TUBGCP3: variants seen among roughly 807,000 people sequenced by gnomAD.
The protein encoded by TUBGCP3 is tubulin gamma complex component 3.
Under a neutral mutation model 123.1 loss-of-function variants are expected in TUBGCP3, and 50 were observed. The ratio of observed to expected loss-of-function variants is 0.41; its 90% CI spans 0.32 to 0.51. TUBGCP3 has a LOEUF of 0.51. TUBGCP3 is among the 20% of genes least tolerant of loss of function. The pLI is 0.36. For synonymous variants in TUBGCP3, 405 were observed against 413.9 expected (o/e 0.98, Z 0.26); for missense variants, 882 against 1,127.0 (o/e 0.78, Z 3.11).
chr13:112,519,547 A>G lies in TUBGCP3; in HGVS notation c.1881+339T>C, dbSNP rs1477934504. Among the ~76,000 whole-genome samples, 1 of 152,146 alleles carries G rather than the reference A, an allele frequency of 6.6e-6. No homozygotes were observed. The highest frequency in any genetic ancestry group is 1.5e-5 in the Non-Finnish European group (1 of 68,024). On this transcript the variant is annotated intron_variant, in intron 15 of 21. Coordinates refer to ENST00000261965, the MANE Select transcript of TUBGCP3 (RefSeq NM_006322.6). This position sits in a 1 kb window ranked among gnomAD's most constrained non-coding sequence, Gnocchi z 6.2. ...ACACCATGTCTTGTGCTCCTGTTGGATTTACTATGAGAAGAAAGCACCATT... is the reference window on the plus strand; with the variant it reads ...ACACCATGTCTTGTGCTCCTGTTGGGTTTACTATGAGAAGAAAGCACCATT...
chr13:112,584,874 G>C (rs1000206504), intron 1 of TUBGCP3, among the ~76,000 whole-genome samples: 4 of 152,308 alleles, frequency 2.6e-5, no homozygotes, highest in African/African-American at 9.6e-5. Context: ...TCCCAGGAGG[G>C]GCAGGGATAT....
intron 17 of TUBGCP3, among the ~76,000 whole-genome samples, chr13:112,515,377 T>C (rs1408509985): frequency 1.3e-5 from 2 of 152,156 alleles, no homozygotes; most frequent in Admixed American, 1.3e-4. Flanking sequence ...CCGATCTACC[T>C]GGTGGTATTC....
At chr13:112,601,816 C>A in the TUBGCP3 span, among the ~76,000 whole-genome samples, 1 of 152,188 alleles carries the variant, frequency 6.6e-6, no homozygotes, top group African/African-American at 2.4e-5. Context: ...TATTAAGCTT[C>A]TGGAAGCCAG....
chr13:112,553,462 AG>A (rs1266845059), intron 8 of TUBGCP3, among the ~76,000 whole-genome samples: 1 of 152,260 alleles, frequency 6.6e-6, no homozygotes, highest in Admixed American at 6.5e-5. Flanking sequence ...GCCACAAAGA[AG>A]GGCTGGACAG....
intron 3 of TUBGCP3, among the ~76,000 whole-genome samples, chr13:112,564,878 T>C (rs1880832999): frequency 6.6e-6 from 1 of 152,236 alleles, no homozygotes; most frequent in African/African-American, 2.4e-5. Flanking sequence ...ACAAATTCTG[T>C]TGACTTTCCC....
At chr13:112,548,081 A>C in intron 9 of TUBGCP3, 27 bp downstream of exon 9, 1 of 1,501,156 alleles carries the variant, frequency 6.7e-7, no homozygotes, top group Non-Finnish European at 9.0e-7. Flanking sequence ...AATCATAAAG[A>C]AATAAAAATA....
rs1298947019 is a variant in TUBGCP3 at position 112,554,984 on chromosome 13, G to A, written c.743C>T (p.Ala248Val). The stretch of plus-strand genomic sequence containing the variant: ...GTACAAAATGTCCCTTACCAGAGCT[G>A]CTTCTGTAATTTCCATAGTACCTGC... ...DTGGTMEITEAALVRDILYVF... is the reference protein window; with the variant it reads ...DTGGTMEITEVALVRDILYVF... The change falls in exon 7 of 22, where the codon GCA (alanine) becomes GTA (valine). Residue 248 changes from alanine (A) to valine (V), a missense_variant. Around this residue, in one of 3 missense-constraint regions of TUBGCP3, gnomAD observed 713 missense variants for 874.0 expected, o/e 0.82. Transcript: ENST00000261965. 3 of 1,604,512 alleles carry A rather than the reference G, an allele frequency of 1.9e-6. No homozygotes were observed. The highest frequency in any genetic ancestry group is 1.3e-5 in the African/African-American group (1 of 74,230).
At chr13:112,540,032 C>T (rs1463306250) in intron 11 of TUBGCP3, among the ~76,000 whole-genome samples, 6 of 135,238 alleles carry the variant, frequency 4.4e-5, no homozygotes, top group Non-Finnish European at 9.5e-5. Context: ...ATGTAGTAGC[C>T]TATGAGCATT....
chr13:112,499,229 T>G (rs750179283), intron 19 of TUBGCP3, 44 bp from the exon 20 acceptor site: 6 of 1,548,406 alleles, frequency 3.9e-6, no homozygotes, highest in Admixed American at 4.3e-5. Context: ...CTCAACCAGC[T>G]AAGTTTCTTA....
chr13:112,519,677 A>T lies in TUBGCP3; in HGVS notation c.1881+209T>A, dbSNP rs553192160. Among the ~76,000 whole-genome samples, 1 of 152,270 alleles carries T rather than the reference A, an allele frequency of 6.6e-6. No individual in the cohort carries two copies. The highest frequency in any genetic ancestry group is 1.5e-5 in the Non-Finnish European group (1 of 68,046). The stretch of plus-strand genomic sequence containing the variant: ...CAAGGCTCCCCGCTGCAAGATGGGC[A>T]AACGGAAACCCAGATGGTGGAGAGG... On this transcript the variant is annotated intron_variant, in intron 15 of 21. Transcript: ENST00000261965. This position sits in a 1 kb window ranked among gnomAD's most constrained non-coding sequence, Gnocchi z 6.2.
At position 112,519,851 on chromosome 13, in the gene TUBGCP3, C is replaced by T. The variant is rs184309832; in HGVS notation, c.1881+35G>A. ...CCCCGGCCCAGTGGGTCCTCGGTGC[C>T]GGGGCGGCGTTCCCAACACGCAGAG... On this transcript the variant is annotated intron_variant, in intron 15 of 21. Coordinates refer to ENST00000261965, the MANE Select transcript of TUBGCP3 (RefSeq NM_006322.6). This position sits in a 1 kb window ranked among gnomAD's most constrained non-coding sequence, Gnocchi z 6.2. 49 of 1,601,612 alleles carry T rather than the reference C, an allele frequency of 3.1e-5. No homozygotes were observed. The highest frequency in any genetic ancestry group is 2.9e-4 in the African/African-American group (22 of 74,612).
rs939313675 is a variant in TUBGCP3, at chr13:112,524,203, A to G, written c.1556-1694T>C. On this transcript the variant is annotated intron_variant, in intron 13 of 21. Coordinates refer to ENST00000261965, the MANE Select transcript of TUBGCP3 (RefSeq NM_006322.6). The surrounding 1 kb of genome is among the most constrained non-coding windows in gnomAD (Gnocchi z 4.4). Reference sequence around the variant, plus strand: ...CCCATATACGGTAAATCATCTCTAAATTACTTATAATATCTAGCGCAATGT... The same window carrying G: ...CCCATATACGGTAAATCATCTCTAAGTTACTTATAATATCTAGCGCAATGT... Among the ~76,000 whole-genome samples the G allele has an allele frequency of 2.0e-5, 3 of 152,186 alleles. No individual in the cohort carries two copies. Among genetic ancestry groups the G allele is most frequent in the Non-Finnish European group, 4.4e-5 (3 of 68,036 alleles).
rs1379105784 is a variant in TUBGCP3, at chr13:112,565,175, A to G, written c.188T>C (p.Ile63Thr). The part of the protein sequence containing the change: ...LVAEKIKKEL[I>T]RQRREADAAL... ...AGCATCTGCTTCTCTTCGTTGTCGA[A>G]TAACTGAAAAGACAGAAAAAAAATA... The change falls in exon 3 of 22, where the codon ATT becomes ACT. Residue 63 changes from isoleucine (I) to threonine (T), a missense_variant. Physicochemically the swap from Ile to Thr is moderately conservative, Grantham distance 89 (BLOSUM62 -1). Coordinates refer to ENST00000261965, the MANE Select transcript of TUBGCP3 (RefSeq NM_006322.6). 1 of 1,612,462 alleles carries G rather than the reference A, an allele frequency of 6.2e-7. No homozygotes were observed. The highest frequency in any genetic ancestry group is 1.7e-5 in the Admixed American group (1 of 59,964).
chr13:112,497,696 G>A (rs1194235168), intron 20 of TUBGCP3, among the ~76,000 whole-genome samples: 2 of 152,198 alleles, frequency 1.3e-5, no homozygotes, highest in South Asian at 2.1e-4. Flanking sequence ...CTGGCTATAT[G>A]GCACAGCCTA....
rs770796934 is a variant in TUBGCP3, at chr13:112,554,076, G to A, written c.947C>T (p.Ser316Leu). Reference sequence around the variant, plus strand: ...ACGCACCTGCCCGACGAGTCCGAATGAGCGGTCCAGGCTCCTCTGGTCCGT... The same window carrying A: ...ACGCACCTGCCCGACGAGTCCGAATAAGCGGTCCAGGCTCCTCTGGTCCGT... ...RYTDQRSLDRSFGLVGQSFCA... is the reference protein window; with the variant it reads ...RYTDQRSLDRLFGLVGQSFCA... Residue 316 changes from serine (S) to leucine (L), a missense_variant, in exon 8 of 22, where the codon TCA becomes TTA. Physicochemically the swap from Ser to Leu is moderately radical, Grantham distance 145. Coordinates refer to ENST00000261965, the MANE Select transcript of TUBGCP3 (RefSeq NM_006322.6). 3.7e-6 allele frequency: 6 copies of A among 1,613,226 alleles called. No individual in the cohort carries two copies. The highest frequency in any genetic ancestry group is 5.1e-6 in the Non-Finnish European group (6 of 1,179,868).
Position 112,554,925 on chromosome 13 carries a change from T to C in TUBGCP3, c.802A>G (p.Met268Val). 3.7e-6 allele frequency: 6 copies of C among 1,612,930 alleles called. No individual in the cohort carries two copies. The highest frequency in any genetic ancestry group is 1.3e-5 in the African/African-American group (1 of 74,998). Residue 268 changes from methionine to valine, a missense_variant, in exon 7 of 22, where the codon ATG (methionine) becomes GTG (valine). This residue lies in a region of TUBGCP3 where 713 missense variants were observed against 874.0 expected (regional missense o/e 0.82). Coordinates refer to ENST00000261965, the MANE Select transcript of TUBGCP3 (RefSeq NM_006322.6). ...TTGTAACAATTTTCAGTGTTGTTCATTTTGATGTTTTTGCCATCTATGCCC... is the reference window on the plus strand; with the variant it reads ...TTGTAACAATTTTCAGTGTTGTTCACTTTGATGTTTTTGCCATCTATGCCC... ...FQGIDGKNIKMNNTENCYKVE... is the reference protein window; with the variant it reads ...FQGIDGKNIKVNNTENCYKVE...
intron 11 of TUBGCP3, among the ~76,000 whole-genome samples, chr13:112,531,012 A>G (rs571765058): frequency 6.6e-5 from 10 of 152,382 alleles, no homozygotes; most frequent in Admixed American, 5.9e-4. Flanking sequence ...CTACCAGTAA[A>G]TTGTTGTTTT....
intron 21 of TUBGCP3, among the ~76,000 whole-genome samples, chr13:112,487,095 G>C (rs548783252): frequency 6.6e-6 from 1 of 151,928 alleles, no homozygotes; most frequent in South Asian, 2.1e-4. Context: ...GTGTGTGTGT[G>C]TGTGTGTATC....
rs2139077098 is a variant in TUBGCP3, at chr13:112,524,154, T to C, written c.1556-1645A>G. Among the ~76,000 whole-genome samples, 1 of 152,266 alleles carries C rather than the reference T, an allele frequency of 6.6e-6. No individual in the cohort carries two copies. Among genetic ancestry groups the C allele is most frequent in the East Asian group, 1.9e-4 (1 of 5,174 alleles). ...TCTCTTCTACAAAATGAAGCAATAT[T>C]TGCACCTAACCTACACACATCTTCC... On this transcript the variant is annotated intron_variant, in intron 13 of 21. Transcript: ENST00000261965. This position sits in a 1 kb window ranked among gnomAD's most constrained non-coding sequence, Gnocchi z 4.4.
Sources: allele counts gnomAD v4.1 joint callset (sites outside exome capture counted in the v4.1 genomes callset), GRCh38; gene constraint gnomAD v4.1.1; regional missense constraint gnomAD v4.1.1; non-coding constraint Gnocchi (gnomAD v3.1); transcripts MANE v1.5; gene names NCBI Gene and HGNC (gene_info 2026-07-23, HGNC 2026-07-21).